Variants in LSAMP observed in about 807,000 individuals in gnomAD.
The protein encoded by LSAMP is limbic system-associated membrane protein.
LSAMP carries 7 observed loss-of-function variants against 38.6 expected under a neutral mutation model. The ratio of observed to expected loss-of-function variants is 0.18; its 90% CI spans 0.10 to 0.34. The LOEUF (loss-of-function observed/expected upper bound fraction) is 0.34, where lower values mean the gene tolerates loss of function less well. LSAMP is among the 10% of genes least tolerant of loss of function. The pLI is 1.00. For synonymous variants in LSAMP, 154 were observed against 166.8 expected, an observed-to-expected ratio of 0.92 and a Z score of 0.59; for missense variants, 313 against 420.0, an observed-to-expected ratio of 0.75 and a Z score of 2.23.
At chr3:116,164,585 A>G (rs1214014138) in intron 1 of LSAMP, among the ~76,000 whole-genome samples, 1 of 101,602 alleles carries the variant, frequency 9.8e-6, no homozygotes, top group Non-Finnish European at 2.0e-5. Flanking sequence ...ATATATATAT[A>G]TATATATATA....
At chr3:115,926,492 C>T (rs752616969) in intron 3 of LSAMP, among the ~76,000 whole-genome samples, 1 of 152,186 alleles carries the variant, frequency 6.6e-6, no homozygotes, top group Non-Finnish European at 1.5e-5. Flanking sequence ...GCCGTGTTCA[C>T]AGTTGGATCG....
At chr3:115,851,844 C>T (rs1935341042) in intron 4 of LSAMP, among the ~76,000 whole-genome samples, 1 of 152,166 alleles carries the variant, frequency 6.6e-6, no homozygotes, top group Admixed American at 6.5e-5. Context: ...CCCCGCCCAC[C>T]CTCTTTTGAA....
chr3:115,988,029 G>C (rs1481971371), intron 3 of LSAMP, among the ~76,000 whole-genome samples: 2 of 151,938 alleles, frequency 1.3e-5, no homozygotes, highest in African/African-American at 2.4e-5. Context: ...TCTCTGACTG[G>C]ATGACTTCTT....
Position 116,320,330 on chromosome 3 carries a change from T to C in LSAMP, c.155+124547A>G, listed in dbSNP as rs76417137. Among the ~76,000 whole-genome samples, 271 of 152,182 alleles carry C rather than the reference T, an allele frequency of 1.8e-3. 1 individual carries two copies. Among genetic ancestry groups the C allele is most frequent in the African/African-American group, 6.2e-3 (257 of 41,516 alleles). On this transcript the variant is annotated intron_variant, in intron 1 of 6. Coordinates refer to ENST00000490035, the MANE Select transcript of LSAMP (RefSeq NM_002338.5). ...CAGGAGCCTGAGGCAGGAGAACTGC[T>C]TGAATCAAGGAGGCGTAGGTTGCAG...
At chr3:115,959,868 G>C (rs1365007465) in intron 3 of LSAMP, among the ~76,000 whole-genome samples, 2 of 152,094 alleles carry the variant, frequency 1.3e-5, no homozygotes, top group African/African-American at 2.4e-5. Flanking sequence ...TTGCAATTTA[G>C]GTAGAATGGC....
At chr3:116,219,162 TTTGA>T (rs1359431708) in intron 1 of LSAMP, among the ~76,000 whole-genome samples, 4 of 152,210 alleles carry the variant, frequency 2.6e-5, no homozygotes, top group African/African-American at 9.6e-5. Flanking sequence ...ATTCTGTGAA[TTTGA>T]TTATTTTAGA....
At position 116,023,145 on chromosome 3, in the gene LSAMP, T is replaced by C. The variant is rs1053360088; in HGVS notation, c.389-3505A>G. Among the ~76,000 whole-genome samples the C allele has an allele frequency of 5.3e-5, 8 of 150,486 alleles. No individual in the cohort carries two copies. In the Admixed American group the frequency reaches 5.4e-4, roughly 10 times the overall value. On this transcript the variant is annotated intron_variant, in intron 2 of 6. Coordinates refer to ENST00000490035, the MANE Select transcript of LSAMP (RefSeq NM_002338.5). ...TGATGTATATATACATATATATGTGTATATATACATATGTGTGTGTGTCTC... is the reference window on the plus strand; with the variant it reads ...TGATGTATATATACATATATATGTGCATATATACATATGTGTGTGTGTCTC...
At chr3:115,910,226 C>G (rs966079964) in intron 3 of LSAMP, among the ~76,000 whole-genome samples, 17 of 152,108 alleles carry the variant, frequency 1.1e-4, no homozygotes, top group African/African-American at 4.1e-4. Flanking sequence ...TTTTTTCCAC[C>G]AAGCACTCCT....
chr3:115,949,721 G>A lies in LSAMP; in HGVS notation c.514+69794C>T, dbSNP rs185123459. ...AAGATAGAGAAAGAGGGAATCCTCCGTAAATAACTCTAAGAAGCCAGTATC... is the reference window on the plus strand; with the variant it reads ...AAGATAGAGAAAGAGGGAATCCTCCATAAATAACTCTAAGAAGCCAGTATC... On this transcript the variant is annotated intron_variant, in intron 3 of 6. Transcript: ENST00000490035. Among the ~76,000 whole-genome samples the A allele has an allele frequency of 3.6e-4, 54 of 151,652 alleles. No homozygotes were observed. The East Asian group carries it at 7.8e-3, about 22-fold the overall frequency.
At chr3:116,110,792 C>T (rs1323744098) in intron 1 of LSAMP, among the ~76,000 whole-genome samples, 1 of 152,170 alleles carries the variant, frequency 6.6e-6, no homozygotes, top group African/African-American at 2.4e-5. Flanking sequence ...CGAGTCATGG[C>T]ACCAAATTTC....
chr3:116,202,810 C>T (rs973346607), intron 1 of LSAMP, among the ~76,000 whole-genome samples: 1 of 152,194 alleles, frequency 6.6e-6, no homozygotes, highest in African/African-American at 2.4e-5. Flanking sequence ...CTTCAGTAAA[C>T]TCCCCTAGGA....
chr3:116,009,083 A>G (rs1334194521), intron 3 of LSAMP, among the ~76,000 whole-genome samples: 1 of 152,194 alleles, frequency 6.6e-6, no homozygotes, highest in Non-Finnish European at 1.5e-5. Flanking sequence ...ACCACCTCTC[A>G]ATCTCTAGGC....
intron 3 of LSAMP, among the ~76,000 whole-genome samples, chr3:116,012,337 A>C (rs1940354465): frequency 1.3e-5 from 2 of 152,196 alleles, no homozygotes; most frequent in Non-Finnish European, 2.9e-5. Context: ...ACTCTTGAAC[A>C]TTGCAGGTCA....
At chr3:115,932,088 C>T (rs1402962074) in intron 3 of LSAMP, among the ~76,000 whole-genome samples, 1 of 152,006 alleles carries the variant, frequency 6.6e-6, no homozygotes, top group African/African-American at 2.4e-5. Context: ...AAGTGTTATG[C>T]CATGGTAGGA....
chr3:116,399,911 G>A (rs1235478640), intron 1 of LSAMP, among the ~76,000 whole-genome samples: 1 of 152,162 alleles, frequency 6.6e-6, no homozygotes, highest in Non-Finnish European at 1.5e-5. Flanking sequence ...AGAGTGCTGG[G>A]TGTGTGTGTT....
intron 1 of LSAMP, among the ~76,000 whole-genome samples, chr3:116,206,557 C>T (rs2046072441): frequency 8.1e-6 from 1 of 123,028 alleles, no homozygotes; most frequent in Admixed American, 8.7e-5. Context: ...ATAAATTTCC[C>T]TCTACACACT....
intron 1 of LSAMP, among the ~76,000 whole-genome samples, chr3:116,220,185 A>AACACAGACAC (rs1553714687): frequency 7.1e-6 from 1 of 141,376 alleles, no homozygotes; most frequent in African/African-American, 2.6e-5. Context: ...TCCATCTCAA[A>AACACAGACAC]ACACACACAC....
intron 3 of LSAMP, among the ~76,000 whole-genome samples, chr3:115,970,032 T>C (rs1938963618): frequency 6.6e-6 from 1 of 152,044 alleles, no homozygotes; most frequent in Non-Finnish European, 1.5e-5. Context: ...TTCTGAGAGG[T>C]TGGAAGATGA....
intron 1 of LSAMP, among the ~76,000 whole-genome samples, chr3:116,421,666 A>C (rs2049129231): frequency 6.6e-6 from 1 of 152,250 alleles, no homozygotes; most frequent in Admixed American, 6.5e-5. Flanking sequence ...CGAATGGCTG[A>C]TAAGTACAAG....
Sources: gnomAD v4.1 joint callset for allele counts (sites outside exome capture counted in the v4.1 genomes callset) on GRCh38, gnomAD v4.1.1 for gene constraint, MANE v1.5 for transcripts, NCBI Gene and HGNC (gene_info 2026-07-23, HGNC 2026-07-21) for gene names.